The following PCDH15 variants were observed in gnomAD, a reference collection of about 807,000 sequenced individuals.
The protein encoded by PCDH15 is protocadherin related 15.
PCDH15 carries 129 observed loss-of-function variants against 178.5 expected under a neutral mutation model. The ratio of observed to expected loss-of-function variants is 0.72; its 90% confidence interval spans 0.63 to 0.84. The LOEUF (loss-of-function observed/expected upper bound fraction) is 0.84, where lower values mean the gene tolerates loss of function less well. PCDH15 is among the 40% of genes least tolerant of loss of function. PCDH15 has a pLI of 0.00. For synonymous variants in PCDH15, 800 were observed against 732.0 expected (o/e 1.09, Z -1.50); for missense variants, 2,230 against 2,099.9 (o/e 1.06, Z -1.21).
chr10:55,132,872 C>A (rs115931464), intron 2 of PCDH15, among the ~76,000 whole-genome samples: 1 of 152,016 alleles, frequency 6.6e-6, no homozygotes, highest in Non-Finnish European at 1.5e-5. Context: ...CACTGTCTGG[C>A]GAGAAATTTA....
intron 2 of PCDH15, among the ~76,000 whole-genome samples, chr10:55,463,847 A>T (rs1839732270): frequency 6.6e-6 from 1 of 150,428 alleles, no homozygotes; most frequent in Non-Finnish European, 1.5e-5. Context: ...ATAGGGTGAC[A>T]GAGTAACAGA....
intron 3 of PCDH15, among the ~76,000 whole-genome samples, chr10:54,839,418 A>G (rs1475432555): frequency 6.6e-6 from 1 of 152,102 alleles, no homozygotes; most frequent in East Asian, 1.9e-4. Flanking sequence ...AGATTTTATT[A>G]TGCAAAATAA....
intron 1 of PCDH15, among the ~76,000 whole-genome samples, chr10:55,315,822 A>C (rs2589419): frequency 0.17 from 25,605 of 151,906 alleles, 2,332 homozygotes; most frequent in Middle Eastern, 0.24. Context: ...TCAAGACCAT[A>C]CTGACCAACA....
chr10:54,554,606 C>T (rs79611604), intron 2 of PCDH15, among the ~76,000 whole-genome samples: 3,064 of 152,128 alleles, frequency 0.02, 89 homozygotes, highest in African/African-American at 0.068. Flanking sequence ...GGTTGGACTT[C>T]CATCTCATTA....
chr10:55,317,734 A>C (rs1843763294), intron 1 of PCDH15, among the ~76,000 whole-genome samples: 1 of 151,982 alleles, frequency 6.6e-6, no homozygotes, highest in South Asian at 2.1e-4. Context: ...AAAAAAACAG[A>C]ATAGAAAATC....
At chr10:55,321,979 G>C (rs919996146), upstream of PCDH15, among the ~76,000 whole-genome samples, 2 of 152,144 alleles carry the variant, frequency 1.3e-5, no homozygotes, top group African/African-American at 4.8e-5. Context: ...TAACAACACA[G>C]TGATGGGATC....
At chr10:55,107,734 A>AC (rs796939331) in intron 2 of PCDH15, among the ~76,000 whole-genome samples, 25 of 147,348 alleles carry the variant, frequency 1.7e-4, no homozygotes, top group Non-Finnish European at 2.4e-4. Flanking sequence ...CTCATGATCC[A>AC]CCCCCACCCC....
At chr10:55,005,017 T>G (rs1489752947) in intron 2 of PCDH15, among the ~76,000 whole-genome samples, 1 of 152,006 alleles carries the variant, frequency 6.6e-6, no homozygotes, top group Non-Finnish European at 1.5e-5. Flanking sequence ...AAGGCTGAAA[T>G]TTTTAGACTT....
At chr10:55,604,069 A>G (rs936923819) in intron 2 of PCDH15, among the ~76,000 whole-genome samples, 6 of 101,946 alleles carry the variant, frequency 5.9e-5, no homozygotes, top group African/African-American at 2.2e-4. Flanking sequence ...CCAAATGGAA[A>G]ACAAAAAAAG....
In PCDH15 at chr10:55,384,537, G is replaced by A. The variant is rs1256629841; in HGVS notation, c.-155-217886C>T. ...CTGAATCATCTGGTTTTGTTTGTTT[G>A]TTTGTTTTCCAGTCAGAAGTGAAGA... On this transcript the variant is annotated intron_variant, in intron 2 of 5. Transcript: ENST00000613346. 4.6e-5 allele frequency among the ~76,000 whole-genome samples: 7 copies of A among 152,098 alleles called. No individual in the cohort carries two copies. The East Asian group carries it at 1.4e-3, about 29-fold the overall frequency.
chr10:55,574,724 A>C (rs1225633638), intron 2 of PCDH15, among the ~76,000 whole-genome samples: 1 of 152,074 alleles, frequency 6.6e-6, no homozygotes, highest in African/African-American at 2.4e-5. Context: ...GACAGAACCA[A>C]CAATATAATA....
chr10:55,068,783 G>C (rs1564766758), intron 2 of PCDH15, among the ~76,000 whole-genome samples: 1 of 151,790 alleles, frequency 6.6e-6, no homozygotes, highest in African/African-American at 2.4e-5. Context: ...GTGTGTGTGT[G>C]TGCGTGCACG....
intron 3 of PCDH15, among the ~76,000 whole-genome samples, chr10:54,824,557 T>C (rs1412885195): frequency 1.3e-5 from 2 of 152,110 alleles, no homozygotes; most frequent in African/African-American, 2.4e-5. Flanking sequence ...GCCTCTACTA[T>C]GTGATATTTG....
intron 1 of PCDH15, among the ~76,000 whole-genome samples, chr10:55,274,086 C>T (rs1057447503): frequency 6.6e-6 from 1 of 152,096 alleles, no homozygotes; most frequent in East Asian, 1.9e-4. Flanking sequence ...TGTCAGAAAA[C>T]TCCCAAGAAC....
chr10:54,143,222 G>A (rs764304355), intron 14 of PCDH15, among the ~76,000 whole-genome samples: 2 of 152,094 alleles, frequency 1.3e-5, no homozygotes, highest in Non-Finnish European at 2.9e-5. Flanking sequence ...GTTAAAATGT[G>A]TTTGAGGATT....
At chr10:55,442,662 G>A (rs1013674732) in intron 2 of PCDH15, among the ~76,000 whole-genome samples, 1 of 150,894 alleles carries the variant, frequency 6.6e-6, no homozygotes, top group African/African-American at 2.4e-5. Context: ...AAAAAAAAGA[G>A]ATCCTGTAAA....
At chr10:55,004,076 C>G (rs939987568) in intron 2 of PCDH15, among the ~76,000 whole-genome samples, 2 of 151,986 alleles carry the variant, frequency 1.3e-5, no homozygotes, top group African/African-American at 4.8e-5. Flanking sequence ...AGTAATCAGG[C>G]CAAGTGTAAT....
At position 54,047,249 on chromosome 10, in the gene PCDH15, G is replaced by A. The variant is rs568273851; in HGVS notation, c.2220+19508C>T. 1.1e-4 allele frequency among the ~76,000 whole-genome samples: 17 copies of A among 151,854 alleles called. No individual in the cohort carries two copies. The East Asian group carries it at 1.9e-3, about 17-fold the overall frequency. ...TACTTTTCTTCCATGTAGTTTTTACGCCTGGGAAATGCCTTCATTATCTTT... is the reference window on the plus strand; with the variant it reads ...TACTTTTCTTCCATGTAGTTTTTACACCTGGGAAATGCCTTCATTATCTTT... On this transcript the variant is annotated intron_variant, in intron 18 of 37. Transcript: ENST00000644397.
intron 32 of PCDH15, chr10:53,825,272 A>G: frequency 4.9e-6 from 5 of 1,016,030 alleles, no homozygotes; most frequent in Non-Finnish European, 6.4e-6. Context: ...ACGTATATCA[A>G]AAAAAAGGCA....
Sources: gnomAD v4.1 joint callset for allele counts (sites outside exome capture counted in the v4.1 genomes callset) on GRCh38, gnomAD v4.1.1 for gene constraint, MANE v1.5 for transcripts, NCBI Gene and HGNC (gene_info 2026-07-23, HGNC 2026-07-21) for gene names.